Variants in WDPCP observed in about 807,000 individuals in gnomAD.
The protein encoded by WDPCP is WD repeat-containing and planar cell polarity effector protein fritz homolog.
Under a neutral mutation model 93.1 loss-of-function variants are expected in WDPCP, and 71 were observed. The ratio of observed to expected loss-of-function variants is 0.76; its 90% confidence interval spans 0.63 to 0.93. The LOEUF (loss-of-function observed/expected upper bound fraction) is 0.93. WDPCP is among the 40% of genes least tolerant of loss of function. The pLI is 0.00. For missense variants in WDPCP, 844 were observed against 887.4 expected, an observed-to-expected ratio of 0.95 and a Z score of 0.62; for synonymous variants, 315 against 315.0, an observed-to-expected ratio of 1.00 and a Z score of 0.00.
At chr2:63,796,604 G>A (rs1244354398) in intron 2 of WDPCP, among the ~76,000 whole-genome samples, 2 of 152,194 alleles carry the variant, frequency 1.3e-5, no homozygotes, top group East Asian at 1.9e-4. Flanking sequence ...ACTCAGTGCT[G>A]CCCTGTCATA....
chr2:63,150,404 G>A (rs927506272), intron 17 of WDPCP, among the ~76,000 whole-genome samples: 4 of 152,188 alleles, frequency 2.6e-5, no homozygotes, highest in African/African-American at 9.7e-5. Flanking sequence ...AGTAGACAGA[G>A]GCCAGGGATT....
intron 17 of WDPCP, among the ~76,000 whole-genome samples, chr2:63,143,225 A>G (rs1671228214): frequency 6.6e-6 from 1 of 152,146 alleles, no homozygotes. Context: ...TTTGTCTGGT[A>G]TAAGAATAGC....
chr2:63,760,618 T>C (rs1334412632), intron 2 of WDPCP, among the ~76,000 whole-genome samples: 1 of 152,176 alleles, frequency 6.6e-6, no homozygotes, highest in African/African-American at 2.4e-5. Flanking sequence ...CCTGGGACCC[T>C]GATTATTAGA....
At chr2:63,381,021 TA>T (rs879603144) in intron 11 of WDPCP, among the ~76,000 whole-genome samples, 1 of 152,122 alleles carries the variant, frequency 6.6e-6, no homozygotes, top group African/African-American at 2.4e-5. Context: ...GCTCTTCAAG[TA>T]AAGATCTTTT....
chr2:63,554,582 G>A (rs1705933715), intron 1 of WDPCP, among the ~76,000 whole-genome samples: 1 of 152,098 alleles, frequency 6.6e-6, no homozygotes, highest in Non-Finnish European at 1.5e-5. Context: ...GAACCCAGGA[G>A]GCGGAGGTTG....
chr2:63,525,688 A>C (rs972578780), intron 1 of WDPCP, among the ~76,000 whole-genome samples: 4 of 152,098 alleles, frequency 2.6e-5, no homozygotes, highest in Admixed American at 2.6e-4. Flanking sequence ...TGTTTCCTCC[A>C]TCTGGTCTCT....
chr2:63,273,221 A>G (rs568660329), intron 13 of WDPCP, among the ~76,000 whole-genome samples: 1 of 152,294 alleles, frequency 6.6e-6, no homozygotes, highest in Admixed American at 6.5e-5. Context: ...TCACCACTAG[A>G]CTGGTCCTAC....
intron 12 of WDPCP, among the ~76,000 whole-genome samples, chr2:63,348,718 C>G (rs1458020724): frequency 6.6e-6 from 1 of 151,744 alleles, no homozygotes; most frequent in Non-Finnish European, 1.5e-5. Context: ...GTAAATCAGT[C>G]TAAAATAAAT....
rs116319286 is a variant in WDPCP, at chr2:63,135,951, T to C, written c.2191-13895A>G. 6.9e-3 allele frequency among the ~76,000 whole-genome samples: 1,052 copies of C among 152,224 alleles called. 14 individuals carry two copies. The highest frequency in any genetic ancestry group is 0.024 in the African/African-American group (994 of 41,532). On this transcript the variant is annotated intron_variant, in intron 17 of 17. Coordinates refer to ENST00000272321, the MANE Select transcript of WDPCP (RefSeq NM_015910.7). ...GTCCTGCTATGTTGCCCAGGCTGGT[T>C]CAAACTCCAGGCCTTAAGTAATCCT...
At chr2:63,666,607 G>C (rs1338970155) in intron 2 of WDPCP, among the ~76,000 whole-genome samples, 3 of 152,306 alleles carry the variant, frequency 2.0e-5, no homozygotes, top group Non-Finnish European at 4.4e-5. Context: ...TTAGTCCTGT[G>C]TGCTAATGAC....
intron 17 of WDPCP, among the ~76,000 whole-genome samples, chr2:63,122,868 T>A (rs1403624701): frequency 6.6e-6 from 1 of 152,136 alleles, no homozygotes. Context: ...AAAATAAATT[T>A]AAAGTTATTC....
intron 9 of WDPCP, among the ~76,000 whole-genome samples, chr2:63,411,782 A>G (rs1695040587): frequency 6.6e-6 from 1 of 152,218 alleles, no homozygotes; most frequent in Non-Finnish European, 1.5e-5. Context: ...AACCTAGAAT[A>G]GAGGGAAAAA....
chr2:63,260,536 T>C (rs114753088), intron 13 of WDPCP, among the ~76,000 whole-genome samples: 50 of 152,250 alleles, frequency 3.3e-4, no homozygotes, highest in African/African-American at 1.2e-3. Context: ...GGGAATATAA[T>C]TGGTTAAGAC....
intron 13 of WDPCP, among the ~76,000 whole-genome samples, chr2:63,281,936 T>G (rs953131680): frequency 2.6e-5 from 4 of 151,960 alleles, no homozygotes; most frequent in Non-Finnish European, 5.9e-5. Flanking sequence ...AACTTATTCA[T>G]GTAACCAAAC....
intron 2 of WDPCP, among the ~76,000 whole-genome samples, chr2:63,779,258 A>T (rs1670353041): frequency 6.6e-6 from 1 of 152,220 alleles, no homozygotes; most frequent in African/African-American, 2.4e-5. Flanking sequence ...GGAACTGTGA[A>T]AATGCTGGAA....
At chr2:63,774,956 TTG>T (rs1670281380) in intron 2 of WDPCP, among the ~76,000 whole-genome samples, 1 of 152,194 alleles carries the variant, frequency 6.6e-6, no homozygotes, top group Admixed American at 6.6e-5. Context: ...CTAATGGTTC[TTG>T]TCCCTAACTA....
chr2:63,833,316 T>C, the WDPCP span, among the ~76,000 whole-genome samples: 1 of 152,230 alleles, frequency 6.6e-6, no homozygotes, highest in African/African-American at 2.4e-5. Context: ...AAGCTATTAG[T>C]TGTTATTCTC....
chr2:63,233,609 A>G (rs17348207), intron 14 of WDPCP: 24,831 of 154,964 alleles, frequency 0.16, 2,666 homozygotes, highest in Non-Finnish European at 0.21. Context: ...CAATTCAAGG[A>G]AACGATCAGT....
At chr2:63,354,627 T>A (rs1402859447) in intron 12 of WDPCP, among the ~76,000 whole-genome samples, 1 of 151,912 alleles carries the variant, frequency 6.6e-6, no homozygotes, top group Non-Finnish European at 1.5e-5. Flanking sequence ...CATATACACA[T>A]ACACCCACAC....
Sources: allele counts gnomAD v4.1 joint callset (sites outside exome capture counted in the v4.1 genomes callset), GRCh38; gene constraint gnomAD v4.1.1; transcripts MANE v1.5; gene names NCBI Gene and HGNC (gene_info 2026-07-23, HGNC 2026-07-21).